The following ALK variants were observed in gnomAD, a reference collection of about 807,000 sequenced individuals.
The protein encoded by ALK is ALK receptor tyrosine kinase.
A neutral mutation model predicts 163.1 loss-of-function variants in ALK; 74 were observed. That is an observed-to-expected ratio of 0.45 (90% CI 0.38 to 0.55). ALK has a LOEUF of 0.55. ALK is among the 20% of genes least tolerant of loss of function. The pLI, the probability that ALK is intolerant of heterozygous loss-of-function variation, is 0.00. For synonymous variants in ALK, 960 were observed against 843.2 expected (o/e 1.14, Z -2.40); for missense variants, 2,063 against 2,105.3 (o/e 0.98, Z 0.39).
intron 26 of ALK, among the ~76,000 whole-genome samples, chr2:29,204,470 C>CTGT (rs1669263441): frequency 6.6e-6 from 1 of 152,150 alleles, no homozygotes; most frequent in Non-Finnish European, 1.5e-5. Context: ...TGGGATTTGT[C>CTGT]TGTTTTTCTC....
At chr2:29,259,855 T>G (rs1665039518) in intron 11 of ALK, among the ~76,000 whole-genome samples, 1 of 152,136 alleles carries the variant, frequency 6.6e-6, no homozygotes, top group Admixed American at 6.5e-5. Flanking sequence ...CTTCGTCAGG[T>G]CTTTCAATTA....
At chr2:29,876,639 G>A (rs1666722973) in intron 1 of ALK, among the ~76,000 whole-genome samples, 1 of 151,562 alleles carries the variant, frequency 6.6e-6, no homozygotes, top group African/African-American at 2.4e-5. Flanking sequence ...TGGCGGTGAT[G>A]GTGATGATGG....
At position 29,227,086 on chromosome 2, in the gene ALK, G is replaced by A. The variant is rs2148178772; in HGVS notation, c.2915-12C>T. ...GTGGCCTTCCATCACTAGTGACAAG[G>A]AGGGAGGGTCAGTCTTGGGCCGAGC... is the stretch of plus-strand genomic sequence containing the variant. On this transcript the variant is annotated splice_polypyrimidine_tract_variant and intron_variant, in intron 17 of 28. Coordinates refer to ENST00000389048, the MANE Select transcript of ALK (RefSeq NM_004304.5). The surrounding 1 kb of genome is among the most constrained non-coding windows in gnomAD (Gnocchi z 4.4). The A allele has an allele frequency of 1.2e-6, 2 of 1,614,140 alleles. No homozygotes were observed. Among genetic ancestry groups the A allele is most frequent in the Non-Finnish European group, 1.7e-6 (2 of 1,180,036 alleles).
At position 29,260,271 on chromosome 2, in the gene ALK, G is replaced by A. The variant is rs114540999; in HGVS notation, c.2042-9004C>T. Reference sequence around the variant, plus strand: ...TTTCATGTCTTGTATTATTGTTTTTGTGTCTTTTAGCTCATTTTAAAACAG... The same window carrying A: ...TTTCATGTCTTGTATTATTGTTTTTATGTCTTTTAGCTCATTTTAAAACAG... On this transcript the variant is annotated intron_variant, in intron 11 of 28. Coordinates refer to ENST00000389048, the MANE Select transcript of ALK (RefSeq NM_004304.5). Among the ~76,000 whole-genome samples the A allele has an allele frequency of 4.2e-3, 639 of 152,128 alleles. 5 individuals are homozygous for A. Among genetic ancestry groups the A allele is most frequent in the African/African-American group, 0.015 (605 of 41,504 alleles).
At chr2:29,696,961 A>G (rs1678586018) in intron 2 of ALK, among the ~76,000 whole-genome samples, 1 of 151,258 alleles carries the variant, frequency 6.6e-6, no homozygotes, top group African/African-American at 2.4e-5. Context: ...TAAAAACAAT[A>G]AAAAACCCTA....
chr2:29,492,876 T>A (rs926881868), intron 4 of ALK, among the ~76,000 whole-genome samples: 1 of 152,094 alleles, frequency 6.6e-6, no homozygotes, highest in African/African-American at 2.4e-5. Flanking sequence ...TAAAAACAGA[T>A]TTCTAACCAG....
Position 29,525,570 on chromosome 2 carries a change from T to C in ALK, c.1154+6345A>G, listed in dbSNP as rs183158134. 4.3e-4 allele frequency among the ~76,000 whole-genome samples: 65 copies of C among 152,054 alleles called. 1 individual carries two copies. In the East Asian group the frequency reaches 0.012, roughly 29 times the overall value. ...ACTTTGGGAGGCTGAGGTGGGTGGA[T>C]CACAAGGTCAGGAGTTTGAGACCAG... On this transcript the variant is annotated intron_variant, in intron 4 of 28. Transcript: ENST00000389048.
At chr2:29,618,468 C>T (rs778706496) in intron 3 of ALK, among the ~76,000 whole-genome samples, 11 of 150,034 alleles carry the variant, frequency 7.3e-5, no homozygotes, top group Admixed American at 6.6e-4. Context: ...CATCTTCTTT[C>T]ACCTCCATTT....
At chr2:29,897,373 A>T (rs1398306520) in intron 1 of ALK, among the ~76,000 whole-genome samples, 1 of 152,140 alleles carries the variant, frequency 6.6e-6, no homozygotes, top group Non-Finnish European at 1.5e-5. Flanking sequence ...ATAACAATAA[A>T]AAGAAGGAAA....
chr2:29,808,036 A>T (rs977009003), intron 1 of ALK, among the ~76,000 whole-genome samples: 30 of 152,232 alleles, frequency 2.0e-4, no homozygotes, highest in African/African-American at 7.2e-4. Flanking sequence ...GCATCTATCA[A>T]GGATCTAATC....
At chr2:29,448,783 T>G (rs1209819241) in intron 4 of ALK, among the ~76,000 whole-genome samples, 1 of 152,200 alleles carries the variant, frequency 6.6e-6, no homozygotes, top group Non-Finnish European at 1.5e-5. Flanking sequence ...GTCTCAAGGT[T>G]GGAAGAAACC....
intron 1 of ALK, among the ~76,000 whole-genome samples, chr2:29,842,563 T>G (rs1331466183): frequency 2.0e-5 from 3 of 152,124 alleles, no homozygotes; most frequent in Non-Finnish European, 4.4e-5. Flanking sequence ...AGTTCCCAGG[T>G]TAGTTATGGT....
chr2:29,777,442 C>T (rs1320873444), intron 1 of ALK, among the ~76,000 whole-genome samples: 2 of 152,032 alleles, frequency 1.3e-5, no homozygotes, highest in Non-Finnish European at 2.9e-5. Flanking sequence ...TTTGTGCAGA[C>T]CTTCTCTCTA....
At chr2:29,636,293 T>C (rs571004300) in intron 3 of ALK, among the ~76,000 whole-genome samples, 46 of 148,994 alleles carry the variant, frequency 3.1e-4, no homozygotes, top group Admixed American at 1.2e-3. Flanking sequence ...AAATAATAAA[T>C]GGTCTTGGAG....
rs1055220941 is a variant in ALK, at chr2:29,574,946, T to G, written c.953-42830A>C. Among the ~76,000 whole-genome samples the G allele has an allele frequency of 4.6e-5, 7 of 152,284 alleles. No individual in the cohort carries two copies. In the East Asian group the frequency reaches 1.2e-3, roughly 25 times the overall value. ...AACACATGTGAAACCAGGTGTTACA[T>G]TATTAATACCTGCACGGCAACTTCA... On this transcript the variant is annotated intron_variant, in intron 3 of 28. Coordinates refer to ENST00000389048, the MANE Select transcript of ALK (RefSeq NM_004304.5).
rs115561982 is a variant in ALK at position 29,436,647 on chromosome 2, G to A, written c.1155-52788C>T. Among the ~76,000 whole-genome samples, 770 of 152,116 alleles carry A rather than the reference G, an allele frequency of 5.1e-3. 8 individuals carry two copies. The highest frequency in any genetic ancestry group is 0.018 in the African/African-American group (739 of 41,504). On this transcript the variant is annotated intron_variant, in intron 4 of 28. Transcript: ENST00000389048. ...TTTTTTTGCTATCATATTGATGTTC[G>A]CTCATCAGCTGATAACTCTCTCTTA... is the stretch of plus-strand genomic sequence containing the variant.
chr2:29,202,904 C>T (rs926041504), intron 26 of ALK, among the ~76,000 whole-genome samples: 2 of 152,196 alleles, frequency 1.3e-5, no homozygotes, highest in Non-Finnish European at 2.9e-5. Flanking sequence ...GTGTCATCTT[C>T]TCTCTAATGT....
At chr2:29,205,899 C>G (rs558389054) in intron 26 of ALK, among the ~76,000 whole-genome samples, 1 of 152,322 alleles carries the variant, frequency 6.6e-6, no homozygotes, top group East Asian at 1.9e-4. Flanking sequence ...CTGTGCCCCA[C>G]TTGGCAGTAC....
In ALK at chr2:29,493,893, C is replaced by G. The variant is rs573772750; in HGVS notation, c.1154+38022G>C. 3.2e-4 allele frequency among the ~76,000 whole-genome samples: 48 copies of G among 152,298 alleles called. 2 individuals carry two copies. In the South Asian group the frequency reaches 9.5e-3, roughly 30 times the overall value. ...GGCCAGGACTGTCAGGATGAAACGG[C>G]CTCAAGCACAATGAAGGAGAAGGCT... On this transcript the variant is annotated intron_variant, in intron 4 of 28. Transcript: ENST00000389048.
Sources: gnomAD v4.1 joint callset for allele counts (sites outside exome capture counted in the v4.1 genomes callset) on GRCh38, gnomAD v4.1.1 for gene constraint, Gnocchi (gnomAD v3.1) non-coding constraint, MANE v1.5 for transcripts, NCBI Gene and HGNC (gene_info 2026-07-23, HGNC 2026-07-21) for gene names.